Variants in LPP observed in about 807,000 individuals in gnomAD.
The protein encoded by LPP is LIM domain containing preferred translocation partner in lipoma.
In LPP, 38 loss-of-function variants were observed where a neutral mutation model predicts 60.4. The ratio of observed to expected loss-of-function variants is 0.63; its 90% CI spans 0.49 to 0.83. The LOEUF (loss-of-function observed/expected upper bound fraction) is 0.83. Ranked by LOEUF, LPP falls within the 40% of genes least tolerant of loss-of-function variation. The pLI is 0.00. For synonymous variants in LPP, 328 were observed against 290.8 expected, an observed-to-expected ratio of 1.13 and a Z score of -1.30; for missense variants, 902 against 783.6, an observed-to-expected ratio of 1.15 and a Z score of -1.80.
At chr3:188,868,614 A>G (rs894152581) in intron 10 of LPP, among the ~76,000 whole-genome samples, 6 of 152,220 alleles carry the variant, frequency 3.9e-5, no homozygotes, top group Non-Finnish European at 5.9e-5. Flanking sequence ...TGTTTTATGG[A>G]ACTCTTATTT....
At chr3:188,422,677 A>T (rs190131159) in intron 4 of LPP, among the ~76,000 whole-genome samples, 2 of 152,278 alleles carry the variant, frequency 1.3e-5, no homozygotes, top group East Asian at 3.9e-4. Context: ...TAGTTATCCC[A>T]TGCAGAGCTA....
intron 9 of LPP, among the ~76,000 whole-genome samples, chr3:188,775,638 G>A (rs1390836924): frequency 1.3e-5 from 2 of 152,168 alleles, no homozygotes; most frequent in Non-Finnish European, 2.9e-5. Context: ...GGCAGTGTCT[G>A]CAGGTTACTC....
At chr3:188,484,849 A>T (rs1202368872) in intron 5 of LPP, 145 bp downstream of exon 5, 1 of 604,488 alleles carries the variant, frequency 1.7e-6, no homozygotes, top group Non-Finnish European at 2.9e-6. Flanking sequence ...TTTACAACTT[A>T]TGAAGATCTA....
chr3:188,266,290 C>T (rs991183066), intron 2 of LPP, among the ~76,000 whole-genome samples: 1 of 152,146 alleles, frequency 6.6e-6, no homozygotes, highest in African/African-American at 2.4e-5. Context: ...ATTTTGACAG[C>T]GAGAACAAGA....
At chr3:188,447,604 C>T (rs7372152) in intron 4 of LPP, among the ~76,000 whole-genome samples, 131,100 of 137,894 alleles carry the variant, frequency 0.95, 62,451 homozygotes, top group East Asian at 0.99. Flanking sequence ...AGTGAGACTG[C>T]CTCAAAAAAA....
chr3:188,402,356 C>T (rs1241184334), intron 3 of LPP, among the ~76,000 whole-genome samples: 2 of 151,956 alleles, frequency 1.3e-5, no homozygotes, highest in Admixed American at 1.3e-4. Context: ...ACAAGTGTAA[C>T]AAAGGATTTA....
intron 5 of LPP, among the ~76,000 whole-genome samples, chr3:188,521,520 G>C (rs1262473612): frequency 6.6e-6 from 1 of 152,130 alleles, no homozygotes; most frequent in African/African-American, 2.4e-5. Flanking sequence ...ATTAAATCCT[G>C]TCTCTTTACT....
At chr3:188,647,268 A>G (rs1240675520) in intron 7 of LPP, among the ~76,000 whole-genome samples, 2 of 152,168 alleles carry the variant, frequency 1.3e-5, no homozygotes, top group Non-Finnish European at 2.9e-5. Flanking sequence ...GTCCTCACAC[A>G]GGGCTCACTG....
intron 2 of LPP, chr3:188,240,189 G>T (rs560204603): frequency 5.5e-6 from 1 of 181,672 alleles, no homozygotes. Context: ...AATGATATCT[G>T]TGTGTTTCAT....
At chr3:188,679,519 CTGTGTGTG>C (rs56733573) in intron 7 of LPP, among the ~76,000 whole-genome samples, 34,325 of 142,962 alleles carry the variant, frequency 0.24, 4,294 homozygotes, top group Non-Finnish European at 0.27. Context: ...TTTGAATACT[CTGTGTGTG>C]TGTGTGTGTG....
chr3:188,464,558 A>G (rs1799904833), intron 4 of LPP, among the ~76,000 whole-genome samples: 2 of 152,188 alleles, frequency 1.3e-5, no homozygotes, highest in African/African-American at 2.4e-5. Context: ...AATTGCTTCT[A>G]TAAGTTTTAG....
chr3:188,740,203 T>G (rs1723928235), intron 8 of LPP, among the ~76,000 whole-genome samples: 1 of 152,070 alleles, frequency 6.6e-6, no homozygotes, highest in African/African-American at 2.4e-5. Flanking sequence ...TTCCCTAGTT[T>G]ACTAAATGGT....
chr3:188,520,922 G>T lies in LPP; in HGVS notation c.307-3743G>T, dbSNP rs930849407. ...AGGGAGTTAGGAGAAAGACATGTTG[G>T]TAAGTCTATAGGATTCTGTTGCTTG... On this transcript the variant is annotated intron_variant, in intron 5 of 11. Transcript: ENST00000617246. Among the ~76,000 whole-genome samples the T allele has an allele frequency of 2.0e-5, 3 of 152,124 alleles. No individual in the cohort carries two copies. The East Asian group carries it at 5.8e-4, about 29-fold the overall frequency.
chr3:188,446,454 T>G (rs890604564), intron 4 of LPP, among the ~76,000 whole-genome samples: 2 of 152,264 alleles, frequency 1.3e-5, no homozygotes, highest in African/African-American at 4.8e-5. Context: ...GGTTACTGTG[T>G]ATGTCATTTA....
At chr3:188,276,669 G>GTCTCTC (rs750060555) in intron 2 of LPP, among the ~76,000 whole-genome samples, 4 of 100,050 alleles carry the variant, frequency 4.0e-5, no homozygotes, top group Non-Finnish European at 4.5e-5. Flanking sequence ...CTCCAACTCT[G>GTCTCTC]TCTCTCTCTC....
chr3:188,471,326 C>A (rs1046880281), intron 4 of LPP, among the ~76,000 whole-genome samples: 1 of 152,106 alleles, frequency 6.6e-6, no homozygotes, highest in Non-Finnish European at 1.5e-5. Context: ...AATCTAGCAA[C>A]AGTTGTATCA....
intron 6 of LPP, among the ~76,000 whole-genome samples, chr3:188,607,370 G>GATATAGATATAT (rs1553941080): frequency 1.3e-4 from 13 of 102,736 alleles, no homozygotes; most frequent in African/African-American, 3.6e-4. Context: ...GAAAATAGAA[G>GATATAGATATAT]ATATATATAT....
rs182408074 is a variant in LPP, at chr3:188,276,518, C to T, written c.-67+50991C>T. Among the ~76,000 whole-genome samples the T allele has an allele frequency of 5.9e-5, 9 of 152,298 alleles. No individual in the cohort carries two copies. The East Asian group carries it at 1.7e-3, about 29-fold the overall frequency. On this transcript the variant is annotated intron_variant, in intron 2 of 11. Coordinates refer to ENST00000617246, the MANE Select transcript of LPP (RefSeq NM_001375462.1). ...TGGATATTTGTCCCCGTCCAAATCT[C>T]ATGTTGAATTCTAATCCTCAGTGCT...
In LPP at chr3:188,185,308, T is replaced by C. The variant is rs531567581; in HGVS notation, c.-190+31056T>C. 4.2e-4 allele frequency among the ~76,000 whole-genome samples: 64 copies of C among 152,138 alleles called. 1 individual carries two copies. Among genetic ancestry groups the C allele is most frequent in the Non-Finnish European group, 7.4e-5 (5 of 67,988 alleles). ...ATATTCTTACCCTGTAGGGCACAGGTTGCAGGGAAGGAGAGAATATCCACT... is the reference window on the plus strand; with the variant it reads ...ATATTCTTACCCTGTAGGGCACAGGCTGCAGGGAAGGAGAGAATATCCACT... On this transcript the variant is annotated intron_variant, in intron 1 of 11. Coordinates refer to ENST00000617246, the MANE Select transcript of LPP (RefSeq NM_001375462.1).
Sources: gnomAD v4.1 joint callset for allele counts (sites outside exome capture counted in the v4.1 genomes callset) on GRCh38, gnomAD v4.1.1 for gene constraint, MANE v1.5 for transcripts, NCBI Gene and HGNC (gene_info 2026-07-23, HGNC 2026-07-21) for gene names.